Variants in KAZN observed in about 807,000 individuals in gnomAD.
KAZN encodes kazrin, periplakin interacting protein.
Under a neutral mutation model 87.4 loss-of-function variants are expected in KAZN, and 40 were observed. The ratio of observed to expected loss-of-function variants is 0.46; its 90% confidence interval spans 0.36 to 0.60. KAZN has a LOEUF of 0.60. KAZN is among the 20% of genes least tolerant of loss of function. The probability of loss-of-function intolerance (pLI) is 0.00; values close to 1 mark genes in which losing one functional copy is unlikely to be tolerated. For missense variants in KAZN, 898 were observed against 1,073.9 expected (o/e 0.84, Z 2.29); for synonymous variants, 466 against 458.3 (o/e 1.02, Z -0.22).
chr1:14,272,541 C>G (rs1184062554), intron 2 of KAZN, among the ~76,000 whole-genome samples: 7 of 152,166 alleles, frequency 4.6e-5, no homozygotes, highest in Admixed American at 4.6e-4. Flanking sequence ...GGGTGCCTTG[C>G]TCCAAAGAGC....
intron 1 of KAZN, among the ~76,000 whole-genome samples, chr1:14,883,341 A>AGAGAGAGAGAAAGAAAG: frequency 6.8e-5 from 2 of 29,542 alleles, no homozygotes; most frequent in Middle Eastern, 0.027. Context: ...AGAGAGAGAG[A>AGAGAGAGAGAAAGAAAG]GAAAGAAAGA....
intron 1 of KAZN, among the ~76,000 whole-genome samples, chr1:14,898,413 G>A (rs1655495377): frequency 6.6e-6 from 1 of 152,176 alleles, no homozygotes; most frequent in Admixed American, 6.5e-5. Flanking sequence ...GCAAGAGCGA[G>A]ATACAGTCCT....
intron 1 of KAZN, among the ~76,000 whole-genome samples, chr1:14,939,358 C>T (rs1160366698): frequency 6.6e-6 from 1 of 152,170 alleles, no homozygotes; most frequent in Non-Finnish European, 1.5e-5. Context: ...CAGCCTCAAA[C>T]TCCTGGGCTC....
intron 1 of KAZN, among the ~76,000 whole-genome samples, chr1:14,877,234 G>T (rs1340983796): frequency 6.6e-6 from 1 of 152,144 alleles, no homozygotes; most frequent in Non-Finnish European, 1.5e-5. Flanking sequence ...TGGCCCCATT[G>T]TCTTCTACTG....
intron 1 of KAZN, among the ~76,000 whole-genome samples, chr1:14,153,755 G>T (rs917814003): frequency 3.5e-5 from 5 of 142,742 alleles, no homozygotes; most frequent in Non-Finnish European, 7.5e-5. Flanking sequence ...TCCAGCCTGG[G>T]CAATAAGAGC....
intron 2 of KAZN, among the ~76,000 whole-genome samples, chr1:14,476,528 T>A (rs898796382): frequency 4.6e-5 from 7 of 152,220 alleles, no homozygotes; most frequent in Admixed American, 2.0e-4. Flanking sequence ...GGGACTGAAC[T>A]GCATGCAGCC....
intron 1 of KAZN, among the ~76,000 whole-genome samples, chr1:13,992,288 T>A (rs4662067): frequency 0.47 from 69,515 of 148,122 alleles, 16,283 homozygotes; most frequent in Admixed American, 0.6. Context: ...AATTTATGAA[T>A]CTTTATTTTT....
chr1:14,888,328 C>A (rs986587560), intron 1 of KAZN, among the ~76,000 whole-genome samples: 1 of 152,190 alleles, frequency 6.6e-6, no homozygotes, highest in Non-Finnish European at 1.5e-5. Context: ...GCTGGGGTGT[C>A]CCCACTCCTT....
chr1:14,359,246 CT>C (rs751063438), intron 2 of KAZN, among the ~76,000 whole-genome samples: 3 of 150,964 alleles, frequency 2.0e-5, no homozygotes, highest in South Asian at 4.2e-4. Flanking sequence ...ACAAGCCCTG[CT>C]TTTTTTTTCT....
intron 1 of KAZN, among the ~76,000 whole-genome samples, chr1:13,987,128 G>A (rs1006152654): frequency 2.6e-5 from 4 of 152,124 alleles, no homozygotes; most frequent in African/African-American, 4.8e-5. Context: ...TTTATGACAG[G>A]AGAGACTTTT....
chr1:14,485,351 A>T (rs913519689), intron 2 of KAZN, among the ~76,000 whole-genome samples: 5 of 152,182 alleles, frequency 3.3e-5, no homozygotes, highest in Non-Finnish European at 7.3e-5. Flanking sequence ...ATATGTCTTT[A>T]TGAGGTAGGA....
chr1:14,539,606 G>A (rs1370503065), intron 2 of KAZN, among the ~76,000 whole-genome samples: 3 of 152,004 alleles, frequency 2.0e-5, no homozygotes, highest in Non-Finnish European at 2.9e-5. Context: ...ATTAAGAGAC[G>A]ACTTTAGAGT....
At chr1:14,966,580 G>A (rs1259923421) in intron 2 of KAZN, among the ~76,000 whole-genome samples, 1 of 152,196 alleles carries the variant, frequency 6.6e-6, no homozygotes, top group Non-Finnish European at 1.5e-5. Context: ...TTGAAGGTTT[G>A]TTGCAGTGCG....
chr1:15,053,001 C>A (rs1674574987), intron 4 of KAZN, among the ~76,000 whole-genome samples: 1 of 152,210 alleles, frequency 6.6e-6, no homozygotes, highest in Non-Finnish European at 1.5e-5. Flanking sequence ...CTGCCTGTTT[C>A]AGGGGCTGGC....
rs1646260858 is a variant in KAZN at position 14,184,370 on chromosome 1, A to G, written c.249+3778A>G. ...AAAATAAATGTTAGCTGAGATGTGG[A>G]ATTACATTCTGCATTTTTCACTTCC... On this transcript the variant is annotated intron_variant, in intron 2 of 16. Coordinates refer to the KAZN transcript ENST00000636203. The surrounding 1 kb of genome is among the most constrained non-coding windows in gnomAD (Gnocchi z 4.2). Among the ~76,000 whole-genome samples, 1 of 152,000 alleles carries G rather than the reference A, an allele frequency of 6.6e-6. No individual in the cohort carries two copies. The highest frequency in any genetic ancestry group is 2.4e-5 in the African/African-American group (1 of 41,360).
At chr1:14,570,099 C>T (rs144583921) in intron 2 of KAZN, among the ~76,000 whole-genome samples, 6,118 of 151,856 alleles carry the variant, frequency 0.04, 440 homozygotes, top group African/African-American at 0.14. Context: ...GGTGACAGAG[C>T]GAGACTCCGT....
chr1:14,904,961 C>T (rs548042835), intron 1 of KAZN, among the ~76,000 whole-genome samples: 2 of 152,292 alleles, frequency 1.3e-5, no homozygotes, highest in African/African-American at 4.8e-5. Context: ...TGGGGTTTCA[C>T]GGTGTTAGCC....
At chr1:15,086,379 C>T (rs1640258801) in intron 8 of KAZN, among the ~76,000 whole-genome samples, 1 of 152,170 alleles carries the variant, frequency 6.6e-6, no homozygotes, top group Non-Finnish European at 1.5e-5. Context: ...ATCGTCAAAG[C>T]GCTAAAACAA....
intron 2 of KAZN, among the ~76,000 whole-genome samples, chr1:14,270,320 T>C (rs1199399272): frequency 6.6e-6 from 1 of 152,148 alleles, no homozygotes; most frequent in Non-Finnish European, 1.5e-5. Context: ...CAAGGAAAAG[T>C]AGGATGTGTT....
Sources: allele counts gnomAD v4.1 joint callset (sites outside exome capture counted in the v4.1 genomes callset), GRCh38; gene constraint gnomAD v4.1.1; non-coding constraint Gnocchi (gnomAD v3.1); transcripts MANE v1.5; gene names NCBI Gene and HGNC (gene_info 2026-07-23, HGNC 2026-07-21).